Variants in ITPR2 observed in about 807,000 individuals in gnomAD.
The protein encoded by ITPR2 is inositol 1,4,5-trisphosphate-gated calcium channel ITPR2.
In ITPR2, 207 loss-of-function variants were observed where a neutral mutation model predicts 317.1. The observed-to-expected ratio is 0.65, with a 90% CI of 0.58 to 0.73. The LOEUF (loss-of-function observed/expected upper bound fraction) is 0.73, where lower values mean the gene tolerates loss of function less well. Among genes scored for constraint, ITPR2 ranks in the 30% least tolerant of loss-of-function variants. The probability of loss-of-function intolerance (pLI) is 0.00; values close to 1 mark genes in which losing one functional copy is unlikely to be tolerated. For synonymous variants in ITPR2, 1,156 were observed against 1,149.1 expected (o/e 1.01, Z -0.12); for missense variants, 2,613 against 3,284.0 (o/e 0.80, Z 4.99).
intron 55 of ITPR2, among the ~76,000 whole-genome samples, chr12:26,357,246 A>C (rs1332637107): frequency 6.6e-6 from 1 of 152,118 alleles, no homozygotes; most frequent in Non-Finnish European, 1.5e-5. Flanking sequence ...ACCTCTGGAA[A>C]GGGAAGGAAG....
chr12:26,665,939 A>G lies in ITPR2; in HGVS notation c.1522T>C (p.Leu508=). 6.2e-7 allele frequency: 1 copy of G among 1,613,676 alleles called. No homozygotes were observed. ...GCCAGTATGTTTTGTTCCCTCATCA[A>G]TTTTTGACGCTCTCGGTTTGGCTTA... ...ITKPNRERQK[L]MREQNILAQV... Residue 508 remains leucine, a synonymous_variant, in exon 14 of 57, where the codon TTG becomes CTG. Coordinates refer to ENST00000381340, the MANE Select transcript of ITPR2 (RefSeq NM_002223.4).
At chr12:26,505,635 A>G (rs1276234520) in intron 37 of ITPR2, among the ~76,000 whole-genome samples, 2 of 152,148 alleles carry the variant, frequency 1.3e-5, no homozygotes, top group Non-Finnish European at 2.9e-5. Context: ...CAATCTTTCA[A>G]TGATTTCTAT....
At chr12:26,639,886 T>C (rs999314148) in intron 21 of ITPR2, among the ~76,000 whole-genome samples, 1 of 152,086 alleles carries the variant, frequency 6.6e-6, no homozygotes, top group African/African-American at 2.4e-5. Flanking sequence ...GACATTTGGG[T>C]TGGTTCCAAG....
chr12:26,501,330 A>T (rs1943067235), intron 37 of ITPR2, among the ~76,000 whole-genome samples: 1 of 152,244 alleles, frequency 6.6e-6, no homozygotes, highest in African/African-American at 2.4e-5. Flanking sequence ...ATTTCAATAC[A>T]TTAATGTAAC....
rs1946756537 is a variant in ITPR2, at chr12:26,631,738, TA to T, written c.2934+127del. The T allele has an allele frequency of 1.0e-5, 8 of 780,802 alleles. No individual in the cohort carries two copies. The Admixed American group carries it at 1.2e-4, about 11-fold the overall frequency. 48.4% of individuals were successfully genotyped at this position (780,802 alleles called of 1,614,324 possible). A position where few individuals can be genotyped will look rare whatever the true frequency, so the allele number is the denominator to read the frequency against. ...TTTTTTACCAGGTTTGTCATTAACT[TA>T]AAAAAATAAAATTATATTGATAGCA... is the stretch of plus-strand genomic sequence containing the variant. On this transcript the variant is annotated intron_variant, in intron 22 of 56. Transcript: ENST00000381340.
intron 2 of ITPR2, among the ~76,000 whole-genome samples, chr12:26,750,762 A>C (rs1179079020): frequency 6.6e-6 from 1 of 152,224 alleles, no homozygotes; most frequent in African/African-American, 2.4e-5. Context: ...GAAGAAAAGG[A>C]AGTAGGTATA....
intron 2 of ITPR2, among the ~76,000 whole-genome samples, chr12:26,771,230 A>G (rs987166542): frequency 3.9e-5 from 6 of 152,206 alleles, no homozygotes; most frequent in African/African-American, 1.4e-4. Flanking sequence ...ATTTGATTCA[A>G]TAAGCTATAT....
At chr12:26,784,270 T>TCGCCCTCGCCCTCGCCCTCG (rs1565762101) in intron 2 of ITPR2, among the ~76,000 whole-genome samples, 1 of 49,104 alleles carries the variant, frequency 2.0e-5, no homozygotes, top group Non-Finnish European at 3.6e-5. Context: ...CCTCTCCCTC[T>TCGCCCTCGCCCTCGCCCTCG]CCCTCTCCCT....
At chr12:26,787,459 A>G (rs913659611) in intron 2 of ITPR2, among the ~76,000 whole-genome samples, 1 of 152,232 alleles carries the variant, frequency 6.6e-6, no homozygotes, top group Admixed American at 6.5e-5. Flanking sequence ...ATATGAGACC[A>G]AGTATCAGCA....
At chr12:26,568,954 T>C (rs1240931531) in intron 34 of ITPR2, among the ~76,000 whole-genome samples, 1 of 152,202 alleles carries the variant, frequency 6.6e-6, no homozygotes, top group East Asian at 1.9e-4. Flanking sequence ...ATAATGCACG[T>C]AATTTTTATG....
intron 9 of ITPR2, among the ~76,000 whole-genome samples, chr12:26,705,160 C>G (rs1340225210): frequency 6.6e-6 from 1 of 152,144 alleles, no homozygotes; most frequent in African/African-American, 2.4e-5. Context: ...GCCTGCAACT[C>G]TGCTTCCCCT....
intron 45 of ITPR2, among the ~76,000 whole-genome samples, chr12:26,447,065 G>C (rs1362488504): frequency 2.6e-5 from 4 of 151,916 alleles, no homozygotes; most frequent in Admixed American, 6.6e-5. Flanking sequence ...AGTGGTCTGT[G>C]ACATCCTCAA....
chr12:26,509,222 T>C (rs1228658190), intron 37 of ITPR2, among the ~76,000 whole-genome samples: 1 of 152,140 alleles, frequency 6.6e-6, no homozygotes, highest in East Asian at 1.9e-4. Context: ...AGAAAATAGA[T>C]AGCCAAGGGC....
intron 2 of ITPR2, among the ~76,000 whole-genome samples, chr12:26,733,316 AAAAAAAAAAAAAAGAAAAGAAAAG>A (rs1288803142): frequency 7.8e-6 from 1 of 128,990 alleles, no homozygotes; most frequent in Non-Finnish European, 1.9e-5. Context: ...TCCATCTCAA[AAAAAAAAAAAAAAGAAAAGAAAAG>A]AAAAGAAAAA....
At chr12:26,571,041 T>A (rs1316153330) in intron 34 of ITPR2, among the ~76,000 whole-genome samples, 1 of 152,210 alleles carries the variant, frequency 6.6e-6, no homozygotes, top group Non-Finnish European at 1.5e-5. Context: ...GCTGGGGAAT[T>A]TGCATTTATG....
chr12:26,473,916 A>G (rs1260429072), intron 45 of ITPR2, among the ~76,000 whole-genome samples: 5 of 152,220 alleles, frequency 3.3e-5, no homozygotes, highest in African/African-American at 1.2e-4. Flanking sequence ...CTGTCTAGCT[A>G]TAAGTCATCT....
chr12:26,418,155 C>T (rs941066211), intron 50 of ITPR2, among the ~76,000 whole-genome samples: 2 of 152,286 alleles, frequency 1.3e-5, no homozygotes, highest in African/African-American at 4.8e-5. Context: ...TCAGTCTTCT[C>T]AAATCGGTGT....
chr12:26,625,879 T>C (rs1946611532), intron 23 of ITPR2, among the ~76,000 whole-genome samples: 1 of 151,980 alleles, frequency 6.6e-6, no homozygotes, highest in Non-Finnish European at 1.5e-5. Context: ...TTTTTTTTTC[T>C]ACGTGAACCA....
At chr12:26,777,250 G>A (rs1949991653) in intron 2 of ITPR2, among the ~76,000 whole-genome samples, 2 of 152,208 alleles carry the variant, frequency 1.3e-5, no homozygotes, top group African/African-American at 2.4e-5. Context: ...GGGAGATTGG[G>A]ATCCTAGAGT....
Sources: gnomAD v4.1 joint callset for allele counts (sites outside exome capture counted in the v4.1 genomes callset) on GRCh38, gnomAD v4.1.1 for gene constraint, MANE v1.5 for transcripts, NCBI Gene and HGNC (gene_info 2026-07-23, HGNC 2026-07-21) for gene names.